The following MAPK8IP3 variants were observed in gnomAD, a reference collection of about 807,000 sequenced individuals.
MAPK8IP3 encodes the protein mitogen-activated protein kinase 8 interacting protein 3.
Under a neutral mutation model 157.8 loss-of-function variants are expected in MAPK8IP3, and 49 were observed. That is an observed-to-expected ratio of 0.31 (90% CI 0.25 to 0.39). The LOEUF is 0.39. MAPK8IP3 is among the 10% of genes least tolerant of loss of function. The pLI is 1.00. For synonymous variants in MAPK8IP3, 897 were observed against 777.7 expected, an observed-to-expected ratio of 1.15 and a Z score of -2.55; for missense variants, 1,478 against 1,889.4, an observed-to-expected ratio of 0.78 and a Z score of 4.04.
intron 1 of MAPK8IP3, among the ~76,000 whole-genome samples, chr16:1,708,992 G>C (rs572041323): frequency 6.6e-6 from 1 of 152,168 alleles, no homozygotes; most frequent in Non-Finnish European, 1.5e-5. Context: ...AGAGGGGAGC[G>C]GGACGTCACA....
At chr16:1,754,943 G>A (rs756693370) in intron 8 of MAPK8IP3, among the ~76,000 whole-genome samples, 5 of 152,168 alleles carry the variant, frequency 3.3e-5, no homozygotes, top group East Asian at 3.8e-4. Context: ...CAGCCCCACC[G>A]TTCCCACAGG....
At chr16:1,749,835 G>C (rs558619980) in intron 8 of MAPK8IP3, among the ~76,000 whole-genome samples, 1 of 152,344 alleles carries the variant, frequency 6.6e-6, no homozygotes, top group South Asian at 2.1e-4. Context: ...GTAATGTGGG[G>C]TGCTGAGCAC....
intron 1 of MAPK8IP3, among the ~76,000 whole-genome samples, chr16:1,711,407 A>G (rs1187883256): frequency 1.3e-5 from 2 of 152,206 alleles, no homozygotes; most frequent in Non-Finnish European, 2.9e-5. Context: ...GATATGGAGC[A>G]TGTCCTCAGG....
intron 1 of MAPK8IP3, among the ~76,000 whole-genome samples, chr16:1,711,614 T>C (rs543240332): frequency 7.9e-4 from 121 of 152,248 alleles, no homozygotes; most frequent in African/African-American, 2.8e-3. Context: ...GGGTGCCGGC[T>C]CTCCGGACTT....
Position 1,751,009 on chromosome 16 carries a change from C to T in MAPK8IP3, c.1216+2289C>T, listed in dbSNP as rs906484829. Among the ~76,000 whole-genome samples, 1 of 152,212 alleles carries T rather than the reference C, an allele frequency of 6.6e-6. No homozygotes were observed. Among genetic ancestry groups the T allele is most frequent in the Non-Finnish European group, 1.5e-5 (1 of 68,038 alleles). ...GCCCATGGCCCACAGAGGTATGACA[C>T]ATGTGTACGCAGAACACACAGTGTC... On this transcript the variant is annotated intron_variant, in intron 8 of 31. Transcript: ENST00000610761. The surrounding 1 kb of genome is among the most constrained non-coding windows in gnomAD (Gnocchi z 5.0).
rs2142335110 is a variant in MAPK8IP3 at position 1,724,902 on chromosome 16, T to C, written c.439+225T>C. On this transcript the variant is annotated intron_variant, in intron 2 of 31. Coordinates refer to ENST00000610761, the MANE Select transcript of MAPK8IP3 (RefSeq NM_001318852.2). This position sits in a 1 kb window ranked among gnomAD's most constrained non-coding sequence, Gnocchi z 4.1. ...AGGCCACTGTGGCCCCATAGCACTT[T>C]TGCTTCAGAGTGAATTCTGACCCCC... Among the ~76,000 whole-genome samples the C allele has an allele frequency of 6.6e-6, 1 of 152,356 alleles. No homozygotes were observed. Among genetic ancestry groups the C allele is most frequent in the Non-Finnish European group, 1.5e-5 (1 of 68,042 alleles).
intron 2 of MAPK8IP3, among the ~76,000 whole-genome samples, chr16:1,727,749 A>G (rs567987161): frequency 2.0e-5 from 3 of 152,302 alleles, no homozygotes; most frequent in South Asian, 2.1e-4. Context: ...TCCCCGCGCC[A>G]GCAGTGCAGC....
rs2037727313 is a variant in MAPK8IP3 at position 1,710,915 on chromosome 16, A to G, written c.318+4258A>G. Among the ~76,000 whole-genome samples the G allele has an allele frequency of 6.6e-6, 1 of 152,230 alleles. No homozygotes were observed. Among genetic ancestry groups the G allele is most frequent in the Non-Finnish European group, 1.5e-5 (1 of 68,038 alleles). On this transcript the variant is annotated intron_variant, in intron 1 of 31. Coordinates refer to ENST00000610761, the MANE Select transcript of MAPK8IP3 (RefSeq NM_001318852.2). This position sits in a 1 kb window ranked among gnomAD's most constrained non-coding sequence, Gnocchi z 4.1. ...CAGCAGTCTCCCTAAAAAGTGGAGCAAATACATGTAGGAACCATGGAGAAG... is the reference window on the plus strand; with the variant it reads ...CAGCAGTCTCCCTAAAAAGTGGAGCGAATACATGTAGGAACCATGGAGAAG...
chr16:1,749,697 C>T (rs1372419106), intron 8 of MAPK8IP3, among the ~76,000 whole-genome samples: 1 of 152,220 alleles, frequency 6.6e-6, no homozygotes, highest in Non-Finnish European at 1.5e-5. Flanking sequence ...CGTCAGGGTC[C>T]GAGCCTTTCG....
chr16:1,728,845 G>A (rs533606249), intron 2 of MAPK8IP3, among the ~76,000 whole-genome samples: 18 of 139,656 alleles, frequency 1.3e-4, no homozygotes, highest in Non-Finnish European at 2.6e-4. Flanking sequence ...GTTCTCCCAT[G>A]GCACAGCACA....
chr16:1,746,716 C>A, intron 5 of MAPK8IP3: 1 of 385,158 alleles, frequency 2.6e-6, no homozygotes, highest in Non-Finnish European at 4.8e-6. Flanking sequence ...CGCTGTGTCC[C>A]TGGCGAGGCA....
rs1286955416 is a variant in MAPK8IP3, at chr16:1,727,329, CTGTG to C, written c.440-1806_440-1803del. 1.9e-4 allele frequency among the ~76,000 whole-genome samples: 28 copies of C among 148,802 alleles called. 1 individual carries two copies. Among genetic ancestry groups the C allele is most frequent in the Admixed American group, 1.5e-3 (22 of 14,930 alleles). On this transcript the variant is annotated intron_variant, in intron 2 of 31. Transcript: ENST00000610761. Reference sequence around the variant, plus strand: ...GAGTGTCGTGTGCTGTGTGCGGCGTCTGTGTGAGTCGTGTGCTGTGTGCAGCGTC... The same window carrying C: ...GAGTGTCGTGTGCTGTGTGCGGCGTCTGAGTCGTGTGCTGTGTGCAGCGTC...
intron 1 of MAPK8IP3, among the ~76,000 whole-genome samples, chr16:1,717,247 A>AG (rs1238060407): frequency 1.5e-4 from 23 of 150,964 alleles, no homozygotes; most frequent in South Asian, 6.3e-4. Flanking sequence ...AAAAAAAAAA[A>AG]AAAAAAAGAA....
rs750152733 is a variant in MAPK8IP3, at chr16:1,763,696, G to A, written c.1938G>A (p.Glu646=). ...CCGCCCGTCGAGAGCAGAAGCGCGA[G>A]CAGTACCGCCAGGTGCGTGAGCACG... ...TSSARREQKR[E]QYRQVREHVR... is the part of the protein sequence containing the mutation. Residue 646 remains glutamate (E), a synonymous_variant, in exon 17 of 32, where the codon GAG becomes GAA. Transcript: ENST00000610761. The A allele has an allele frequency of 6.3e-7, 1 of 1,595,134 alleles. No homozygotes were observed. The highest frequency in any genetic ancestry group is 1.7e-5 in the Admixed American group (1 of 58,402).
chr16:1,712,078 T>C (rs2037824462), intron 1 of MAPK8IP3, among the ~76,000 whole-genome samples: 1 of 140,442 alleles, frequency 7.1e-6, no homozygotes, highest in South Asian at 2.4e-4. Flanking sequence ...TTTTTCTTTT[T>C]TGAGATGGAG....
chr16:1,716,013 C>T (rs886420761), intron 1 of MAPK8IP3, among the ~76,000 whole-genome samples: 3 of 152,078 alleles, frequency 2.0e-5, no homozygotes, highest in African/African-American at 7.2e-5. Flanking sequence ...AGGCGGGAGC[C>T]ACTGCACCGG....
In MAPK8IP3 at chr16:1,710,398, A is replaced by G. The variant is rs1451647176; in HGVS notation, c.318+3741A>G. Among the ~76,000 whole-genome samples, 1 of 152,184 alleles carries G rather than the reference A, an allele frequency of 6.6e-6. No individual in the cohort carries two copies. The highest frequency in any genetic ancestry group is 2.4e-5 in the African/African-American group (1 of 41,440). ...TGAGGCAGGAGAATCACTTGAACCC[A>G]GGAGGCAGATGTTGTGGTGAACCAA... On this transcript the variant is annotated intron_variant, in intron 1 of 31. Coordinates refer to ENST00000610761, the MANE Select transcript of MAPK8IP3 (RefSeq NM_001318852.2). The surrounding 1 kb of genome is among the most constrained non-coding windows in gnomAD (Gnocchi z 4.1).
At chr16:1,707,056 C>G (rs1022155008) in intron 1 of MAPK8IP3, among the ~76,000 whole-genome samples, 1 of 151,966 alleles carries the variant, frequency 6.6e-6, no homozygotes, top group Non-Finnish European at 1.5e-5. Flanking sequence ...CTCTCCCCTC[C>G]CCACCCACCT....
At chr16:1,763,567 C>T (rs2042074776) in intron 16 of MAPK8IP3, 90 bp from the exon 17 acceptor site, 3 of 1,377,344 alleles carry the variant, frequency 2.2e-6, no homozygotes. Context: ...AGGCGGGCCT[C>T]CCTGCCGTGA....
Sources: gnomAD v4.1 joint callset for allele counts (sites outside exome capture counted in the v4.1 genomes callset) on GRCh38, gnomAD v4.1.1 for gene constraint, Gnocchi (gnomAD v3.1) non-coding constraint, MANE v1.5 for transcripts, NCBI Gene and HGNC (gene_info 2026-07-23, HGNC 2026-07-21) for gene names.